SNTG1: variants seen among roughly 807,000 people sequenced by gnomAD.
SNTG1 encodes the protein syntrophin gamma 1.
A neutral mutation model predicts 74.7 loss-of-function variants in SNTG1; 39 were observed. The observed-to-expected ratio is 0.52, with a 90% CI of 0.40 to 0.68. The LOEUF (loss-of-function observed/expected upper bound fraction) is 0.68. SNTG1 is among the 30% of genes least tolerant of loss of function. The probability of loss-of-function intolerance (pLI) is 0.00; values close to 1 mark genes in which losing one functional copy is unlikely to be tolerated. For synonymous variants in SNTG1, 254 were observed against 217.1 expected, an observed-to-expected ratio of 1.17 and a Z score of -1.49; for missense variants, 685 against 609.5, an observed-to-expected ratio of 1.12 and a Z score of -1.30.
intron 15 of SNTG1, among the ~76,000 whole-genome samples, chr8:50,692,925 T>C (rs1258430462): frequency 6.6e-6 from 1 of 152,200 alleles, no homozygotes; most frequent in African/African-American, 2.4e-5. Flanking sequence ...GGCCACTTCA[T>C]TTACCTAATC....
chr8:50,667,932 G>A (rs945816904), intron 15 of SNTG1, among the ~76,000 whole-genome samples: 3 of 151,838 alleles, frequency 2.0e-5, no homozygotes, highest in African/African-American at 7.2e-5. Context: ...TCTGATAATA[G>A]AACTTTAATT....
At chr8:50,239,932 C>G (rs1483060332) in intron 2 of SNTG1, among the ~76,000 whole-genome samples, 1 of 152,138 alleles carries the variant, frequency 6.6e-6, no homozygotes, top group African/African-American at 2.4e-5. Context: ...TTAAAAATCC[C>G]AATTCTCCTT....
intron 4 of SNTG1, among the ~76,000 whole-genome samples, chr8:50,420,752 T>C (rs2093071385): frequency 6.6e-6 from 1 of 151,864 alleles, no homozygotes; most frequent in Non-Finnish European, 1.5e-5. Context: ...ATAGGCCAGG[T>C]GCAGTAGTTC....
intron 13 of SNTG1, among the ~76,000 whole-genome samples, chr8:50,625,440 G>C (rs2094950223): frequency 6.6e-6 from 1 of 152,074 alleles, no homozygotes; most frequent in Non-Finnish European, 1.5e-5. Flanking sequence ...GATCAACTTG[G>C]TTTAACCATC....
At chr8:50,401,954 C>T (rs985999659) in intron 3 of SNTG1, among the ~76,000 whole-genome samples, 1 of 151,828 alleles carries the variant, frequency 6.6e-6, no homozygotes. Flanking sequence ...GTACATGTAC[C>T]ATAATCCTTA....
At chr8:50,756,682 G>GTC (rs2095581423) in intron 18 of SNTG1, among the ~76,000 whole-genome samples, 1 of 151,604 alleles carries the variant, frequency 6.6e-6, no homozygotes. Context: ...TTTAGAGTAT[G>GTC]TCTTGAAGTT....
At chr8:50,408,804 G>T (rs974481808) in intron 4 of SNTG1, among the ~76,000 whole-genome samples, 4 of 152,182 alleles carry the variant, frequency 2.6e-5, no homozygotes, top group African/African-American at 9.7e-5. Flanking sequence ...TAGCTCAGTT[G>T]CAGAAACAAG....
At chr8:50,216,933 C>T (rs1208692455) in intron 2 of SNTG1, among the ~76,000 whole-genome samples, 2 of 151,786 alleles carry the variant, frequency 1.3e-5, no homozygotes, top group African/African-American at 4.8e-5. Context: ...AGATAGTATC[C>T]TGTTAATATT....
chr8:50,057,363 T>C (rs1820113060), intron 1 of SNTG1, among the ~76,000 whole-genome samples: 2 of 152,156 alleles, frequency 1.3e-5, no homozygotes, highest in African/African-American at 2.4e-5. Flanking sequence ...TCGGGAGCAA[T>C]GCCTTGGCTG....
intron 2 of SNTG1, among the ~76,000 whole-genome samples, chr8:50,315,173 C>A (rs2090268657): frequency 6.7e-6 from 1 of 149,560 alleles, no homozygotes; most frequent in Admixed American, 6.8e-5. Context: ...AGGGATAGAG[C>A]TGCAGTGGTC....
At chr8:50,599,024 C>T (rs924069566) in intron 13 of SNTG1, among the ~76,000 whole-genome samples, 2 of 151,924 alleles carry the variant, frequency 1.3e-5, no homozygotes, top group Non-Finnish European at 2.9e-5. Flanking sequence ...GCAAGAGGTA[C>T]TTTAATATAG....
intron 8 of SNTG1, among the ~76,000 whole-genome samples, chr8:50,491,967 T>C (rs2131887772): frequency 6.7e-6 from 1 of 149,170 alleles, no homozygotes; most frequent in South Asian, 2.2e-4. Flanking sequence ...CTCCCACTTA[T>C]GGGTAAGAAC....
intron 2 of SNTG1, among the ~76,000 whole-genome samples, chr8:50,246,504 C>CTT (rs58751270): frequency 7.1e-6 from 1 of 141,798 alleles, no homozygotes; most frequent in African/African-American, 2.6e-5. Flanking sequence ...TAGTGTCTTT[C>CTT]TTTTTTTTTT....
intron 12 of SNTG1, among the ~76,000 whole-genome samples, chr8:50,576,101 C>G (rs2094575318): frequency 6.6e-6 from 1 of 152,090 alleles, no homozygotes; most frequent in South Asian, 2.1e-4. Context: ...TGCATGCATC[C>G]CAAAAATGTT....
chr8:49,938,603 T>TTTTCTTTTCTTTTC lies in SNTG1; in HGVS notation c.-103+26379_-103+26380insTCTTTTCTTTCTTT. ...TTTTCTTTTCTTTTCTTTTCTTTTC[T>TTTTCTTTTCTTTTC]TTTCTTTCTTTCTTTCTTTCTTTCT... is the stretch of plus-strand genomic sequence containing the variant. On this transcript the variant is annotated intron_variant, in intron 1 of 18. Transcript: ENST00000642720. 2.5e-3 allele frequency among the ~76,000 whole-genome samples: 185 copies of TTTTCTTTTCTTTTC among 74,660 alleles called. 2 individuals carry two copies. Among genetic ancestry groups the TTTTCTTTTCTTTTC allele is most frequent in the Admixed American group, 3.0e-3 (18 of 6,056 alleles). The allele number at this position is 74,660 out of a possible 152,430, so 49.0% of individuals were successfully genotyped here.
chr8:50,276,693 A>T (rs189306761), intron 2 of SNTG1, among the ~76,000 whole-genome samples: 6 of 152,280 alleles, frequency 3.9e-5, no homozygotes, highest in African/African-American at 1.4e-4. Context: ...AGTATTAAAT[A>T]TCAAAAATAA....
intron 1 of SNTG1, among the ~76,000 whole-genome samples, chr8:50,051,049 G>T (rs1427361193): frequency 6.6e-6 from 1 of 151,990 alleles, no homozygotes; most frequent in African/African-American, 2.4e-5. Context: ...CCTTATTGGT[G>T]AAAGATTGAA....
At chr8:50,265,926 A>G (rs1053481571) in intron 2 of SNTG1, among the ~76,000 whole-genome samples, 1 of 152,256 alleles carries the variant, frequency 6.6e-6, no homozygotes, top group Non-Finnish European at 1.5e-5. Flanking sequence ...AAAAATTAAA[A>G]GAAATTTTTT....
chr8:50,495,982 T>C (rs1377886373), intron 8 of SNTG1, among the ~76,000 whole-genome samples: 1 of 152,194 alleles, frequency 6.6e-6, no homozygotes, highest in Non-Finnish European at 1.5e-5. Context: ...AGTTCGTAAA[T>C]GACTGCATAA....
Sources: allele counts gnomAD v4.1 joint callset (sites outside exome capture counted in the v4.1 genomes callset), GRCh38; gene constraint gnomAD v4.1.1; transcripts MANE v1.5; gene names NCBI Gene and HGNC (gene_info 2026-07-23, HGNC 2026-07-21).